WDR70: variants seen among roughly 807,000 people sequenced by gnomAD.
The protein encoded by WDR70 is WD repeat-containing protein 70.
Under a neutral mutation model 88.6 loss-of-function variants are expected in WDR70, and 53 were observed. The ratio of observed to expected loss-of-function variants is 0.60; its 90% CI spans 0.48 to 0.75. The LOEUF (loss-of-function observed/expected upper bound fraction) is 0.75, where lower values mean the gene tolerates loss of function less well. WDR70 is among the 30% of genes least tolerant of loss of function. The probability of loss-of-function intolerance (pLI) is 0.00; values close to 1 mark genes in which losing one functional copy is unlikely to be tolerated. For synonymous variants in WDR70, 280 were observed against 270.0 expected (o/e 1.04, Z -0.36); for missense variants, 610 against 823.2 (o/e 0.74, Z 3.17).
At chr5:37,551,775 T>G (rs1373902986) in intron 9 of WDR70, among the ~76,000 whole-genome samples, 2 of 142,240 alleles carry the variant, frequency 1.4e-5, no homozygotes, top group African/African-American at 2.6e-5. Context: ...TTAGTTTTTT[T>G]TTTTTTTTTT....
At chr5:37,734,218 A>C (rs1748235389) in intron 17 of WDR70, among the ~76,000 whole-genome samples, 2 of 152,136 alleles carry the variant, frequency 1.3e-5, no homozygotes, top group East Asian at 3.9e-4. Context: ...GATAGTGCAC[A>C]TCCTTTTTTC....
intron 7 of WDR70, among the ~76,000 whole-genome samples, chr5:37,469,254 T>A (rs1581310228): frequency 6.6e-6 from 1 of 152,136 alleles, no homozygotes; most frequent in African/African-American, 2.4e-5. Context: ...GATAGTAGGG[T>A]GGCAGTAGGA....
chr5:37,383,876 C>T (rs981605063), intron 3 of WDR70, among the ~76,000 whole-genome samples: 2 of 152,136 alleles, frequency 1.3e-5, no homozygotes, highest in Non-Finnish European at 2.9e-5. Flanking sequence ...AGCCACTGCA[C>T]CCAGCAAAAC....
chr5:37,470,571 G>T, intron 7 of WDR70, among the ~76,000 whole-genome samples: 1 of 152,108 alleles, frequency 6.6e-6, no homozygotes, highest in East Asian at 1.9e-4. Flanking sequence ...ACTTAAATGG[G>T]TAAATACAGC....
chr5:37,564,188 A>G (rs1742658684), intron 9 of WDR70, among the ~76,000 whole-genome samples: 1 of 151,162 alleles, frequency 6.6e-6, no homozygotes, highest in East Asian at 2.0e-4. Flanking sequence ...TGGGAGGTGG[A>G]GGTTGTAGCG....
intron 8 of WDR70, chr5:37,506,335 A>G: frequency 1.1e-6 from 1 of 901,732 alleles, no homozygotes; most frequent in Non-Finnish European, 1.9e-6. Context: ...TCAATACCAA[A>G]AAATCTTGCT....
At position 37,722,877 on chromosome 5, in the gene WDR70, A is replaced by T; in HGVS notation, c.1540A>T (p.Lys514Ter). The T allele has an allele frequency of 6.2e-7, 1 of 1,613,634 alleles. No homozygotes were observed. The highest frequency in any genetic ancestry group is 8.5e-7 in the Non-Finnish European group (1 of 1,179,664). Residue 514 changes from lysine to a stop codon, truncating the protein, a stop_gained, in exon 15 of 18, where the codon AAA (lysine) becomes TAA (stop). Transcript: ENST00000265107. LOFTEE classifies it high-confidence loss of function. ...SQRGAKLCVV[K>*]TQRKAKQAET... ...TAGGGGAGCAAAATTATGTGTGGTT[A>T]AAACCCAGCGGAAGGCAAAACAAGC... is the stretch of plus-strand genomic sequence containing the variant.
At chr5:37,474,815 G>T (rs1193924031) in intron 7 of WDR70, among the ~76,000 whole-genome samples, 2 of 152,184 alleles carry the variant, frequency 1.3e-5, no homozygotes, top group African/African-American at 4.8e-5. Flanking sequence ...CCACTTATAA[G>T]TGAGAACATG....
chr5:37,730,565 C>T lies in WDR70; in HGVS notation c.1877+3520C>T, dbSNP rs552179141. On this transcript the variant is annotated intron_variant, in intron 17 of 17. Transcript: ENST00000265107. ...CATAGTTGCATAGTACTCCGTTGTA[C>T]GAATTTATCATAGTTAATTCAACCA... is the stretch of plus-strand genomic sequence containing the variant. 1.2e-3 allele frequency among the ~76,000 whole-genome samples: 181 copies of T among 152,014 alleles called. 1 individual carries two copies. Among genetic ancestry groups the T allele is most frequent in the Non-Finnish European group, 2.0e-3 (136 of 68,002 alleles).
intron 8 of WDR70, among the ~76,000 whole-genome samples, chr5:37,481,528 C>A (rs113892943): frequency 0.048 from 7,299 of 151,980 alleles, 566 homozygotes; most frequent in African/African-American, 0.16. Context: ...GCCCCTTTTA[C>A]CTATGGCGGG....
Position 37,554,844 on chromosome 5 carries a change from TA to T in WDR70, c.917+38255del, listed in dbSNP as rs142304102. Among the ~76,000 whole-genome samples, 196 of 152,290 alleles carry T rather than the reference TA, an allele frequency of 1.3e-3. 1 individual carries two copies. Among genetic ancestry groups the T allele is most frequent in the African/African-American group, 4.6e-3 (191 of 41,556 alleles). On this transcript the variant is annotated intron_variant, in intron 9 of 17. Coordinates refer to ENST00000265107, the MANE Select transcript of WDR70 (RefSeq NM_018034.4). The stretch of plus-strand genomic sequence containing the variant: ...GCCTCAGCCTCTCGAGTATTGGGAC[TA>T]CAGTTATGTGCCTCTGTGTCTTAGT...
intron 10 of WDR70, among the ~76,000 whole-genome samples, chr5:37,664,480 T>A (rs1002197849): frequency 1.3e-5 from 2 of 152,156 alleles, no homozygotes; most frequent in African/African-American, 4.8e-5. Context: ...TCCCTAGAGA[T>A]CTCCTCCTTA....
At chr5:37,722,603 T>A (rs1034543617) in intron 14 of WDR70, 5 of 470,620 alleles carry the variant, frequency 1.1e-5, no homozygotes, top group Non-Finnish European at 1.9e-5. Context: ...TTTGTAAACT[T>A]GTGTCCTGTT....
chr5:37,653,281 G>A (rs916352844), intron 10 of WDR70, among the ~76,000 whole-genome samples: 15 of 152,148 alleles, frequency 9.9e-5, no homozygotes, highest in African/African-American at 3.4e-4. Context: ...TGCATCCCGG[G>A]GATGAAGCCG....
At chr5:37,471,426 G>C (rs886851325) in intron 7 of WDR70, among the ~76,000 whole-genome samples, 1 of 149,798 alleles carries the variant, frequency 6.7e-6, no homozygotes, top group Admixed American at 6.6e-5. Context: ...TTCTCAAATG[G>C]TTAAATCTTT....
At chr5:37,449,532 C>T (rs897811184) in intron 7 of WDR70, among the ~76,000 whole-genome samples, 4 of 147,318 alleles carry the variant, frequency 2.7e-5, no homozygotes, top group African/African-American at 5.1e-5. Flanking sequence ...GTGGAGGTTG[C>T]AGTGAGCTGA....
At chr5:37,521,734 A>ACACACC (rs1198235264) in intron 9 of WDR70, among the ~76,000 whole-genome samples, 3 of 150,508 alleles carry the variant, frequency 2.0e-5, no homozygotes, top group Non-Finnish European at 4.4e-5. Context: ...ACACACACAC[A>ACACACC]CACACACCCA....
At chr5:37,461,570 G>A (rs1739005246) in intron 7 of WDR70, among the ~76,000 whole-genome samples, 1 of 152,034 alleles carries the variant, frequency 6.6e-6, no homozygotes, top group South Asian at 2.1e-4. Flanking sequence ...TGCAAGCTCT[G>A]CCTCCTGGGT....
intron 5 of WDR70, among the ~76,000 whole-genome samples, chr5:37,432,734 G>T (rs1388347690): frequency 6.6e-6 from 1 of 151,766 alleles, no homozygotes; most frequent in African/African-American, 2.4e-5. Flanking sequence ...CTAACTTTTT[G>T]TATTTTAGTA....
Sources: allele counts gnomAD v4.1 joint callset (sites outside exome capture counted in the v4.1 genomes callset), GRCh38; gene constraint gnomAD v4.1.1; transcripts MANE v1.5; gene names NCBI Gene and HGNC (gene_info 2026-07-23, HGNC 2026-07-21).